The following TANK variants were observed in gnomAD, a reference collection of about 807,000 sequenced individuals.
TANK encodes the protein TRAF family member associated NFKB activator.
Under a neutral mutation model 43.6 loss-of-function variants are expected in TANK, and 15 were observed. That is an observed-to-expected ratio of 0.34 (90% CI 0.23 to 0.53). The LOEUF (loss-of-function observed/expected upper bound fraction) is 0.53. TANK is among the 20% of genes least tolerant of loss of function. The pLI, the probability that TANK is intolerant of heterozygous loss-of-function variation, is 0.94. For synonymous variants in TANK, 162 were observed against 178.2 expected, an observed-to-expected ratio of 0.91 and a Z score of 0.73; for missense variants, 417 against 498.6, an observed-to-expected ratio of 0.84 and a Z score of 1.56.
rs1302678612 is a variant in TANK at position 161,231,486 on chromosome 2, G to A, written c.1036G>A (p.Asp346Asn). Reference sequence around the variant, plus strand: ...ATATGTAAATAGCTTCCCACTTCTGGACCCATCTGATGCACCTTTTCCCTC... The same window carrying A: ...ATATGTAAATAGCTTCCCACTTCTGAACCCATCTGATGCACCTTTTCCCTC... ...ALYVNSFPLL[D>N]PSDAPFPSLD... The change falls in exon 7 of 8, where the codon GAC (aspartate) becomes AAC (asparagine). Residue 346 changes from aspartate (D) to asparagine (N), a missense_variant. By Grantham distance (23) the Asp-to-Asn change is conservative. Transcript: ENST00000392749. The A allele has an allele frequency of 3.1e-6, 5 of 1,613,660 alleles. No individual in the cohort carries two copies. The highest frequency in any genetic ancestry group is 3.4e-6 in the Non-Finnish European group (4 of 1,180,004).
At chr2:161,207,869 G>T (rs1221732932) in intron 4 of TANK, 1 of 985,110 alleles carries the variant, frequency 1.0e-6, no homozygotes. Context: ...TAGAGAAATG[G>T]TTAAGGTGAT....
chr2:161,202,760 T>C, intron 2 of TANK: 1 of 399,074 alleles, frequency 2.5e-6, no homozygotes, highest in South Asian at 1.9e-5. Flanking sequence ...ACTGTACTAA[T>C]TTGGTAATTG....
intron 6 of TANK, among the ~76,000 whole-genome samples, chr2:161,225,072 G>C (rs1687542969): frequency 6.6e-6 from 1 of 151,950 alleles, no homozygotes; most frequent in Admixed American, 6.6e-5. Context: ...GTTGTTTTTT[G>C]GGGGACCTTA....
At chr2:161,167,563 G>T (rs1684739606) in intron 1 of TANK, among the ~76,000 whole-genome samples, 1 of 152,126 alleles carries the variant, frequency 6.6e-6, no homozygotes, top group East Asian at 1.9e-4. Context: ...ACACTTCCAG[G>T]TTGCCTTGGG....
chr2:161,200,013 A>G (rs938135935), intron 2 of TANK, among the ~76,000 whole-genome samples: 1 of 152,256 alleles, frequency 6.6e-6, no homozygotes, highest in Non-Finnish European at 1.5e-5. Context: ...TGTCAAATAC[A>G]CAGAAGCCAG....
chr2:161,185,719 G>T (rs1685628805), intron 2 of TANK, among the ~76,000 whole-genome samples: 2 of 115,138 alleles, frequency 1.7e-5, no homozygotes, highest in African/African-American at 6.6e-5. Flanking sequence ...TGGTGGGGTG[G>T]GGGGAGGGGG....
intron 1 of TANK, among the ~76,000 whole-genome samples, chr2:161,151,370 A>C (rs1472573288): frequency 6.6e-6 from 1 of 152,148 alleles, no homozygotes; most frequent in Non-Finnish European, 1.5e-5. Context: ...GACATAATGT[A>C]GTCTCCAGTG....
chr2:161,216,443 G>GT (rs1559001726), intron 4 of TANK: 1 of 468,258 alleles, frequency 2.1e-6, no homozygotes, highest in Non-Finnish European at 4.4e-6. Flanking sequence ...ATCCTGAGCC[G>GT]TAAGCATAAA....
At chr2:161,213,055 T>A (rs1686961967) in intron 4 of TANK, among the ~76,000 whole-genome samples, 1 of 152,130 alleles carries the variant, frequency 6.6e-6, no homozygotes, top group Non-Finnish European at 1.5e-5. Flanking sequence ...GGTGGCAGAC[T>A]CTTTTTAACA....
At chr2:161,223,662 C>T (rs980740828) in intron 4 of TANK, 6 of 274,630 alleles carry the variant, frequency 2.2e-5, no homozygotes, top group Admixed American at 1.0e-4. Flanking sequence ...TTACCAGTAC[C>T]GGAAATAGTA....
intron 1 of TANK, chr2:161,137,337 A>C (rs1683615446): frequency 1.8e-6 from 1 of 556,040 alleles, no homozygotes; most frequent in East Asian, 1.4e-4. Context: ...CAGCCTGGGC[A>C]ACATAGTGAG....
At chr2:161,159,224 C>T (rs1021366074), upstream of TANK, 2 of 152,104 alleles carry the variant, frequency 1.3e-5, no homozygotes, top group East Asian at 3.8e-4. Context: ...AACTTATGTC[C>T]GCACAAAAAA....
intron 1 of TANK, among the ~76,000 whole-genome samples, chr2:161,170,479 G>C (rs1394485811): frequency 2.0e-5 from 3 of 152,140 alleles, no homozygotes; most frequent in Non-Finnish European, 4.4e-5. Flanking sequence ...TTAAAAAGCA[G>C]ATCACTATGG....
chr2:161,205,039 A>C, intron 4 of TANK: 1 of 1,124,600 alleles, frequency 8.9e-7, no homozygotes, highest in Non-Finnish European at 1.1e-6. Flanking sequence ...TAACAAAGAA[A>C]TAGGGCTGGA....
At chr2:161,182,550 G>C (rs1029737460) in intron 2 of TANK, among the ~76,000 whole-genome samples, 1 of 152,126 alleles carries the variant, frequency 6.6e-6, no homozygotes, top group Non-Finnish European at 1.5e-5. Context: ...AGGTCTGAAA[G>C]GGTCCCAAAT....
At chr2:161,233,039 A>AAAT in intron 7 of TANK, 1 of 590,490 alleles carries the variant, frequency 1.7e-6, no homozygotes, top group Non-Finnish European at 2.8e-6. Context: ...AGTATTAATA[A>AAAT]AGCTAGTATT....
At chr2:161,183,719 ATGTT>A (rs1180461791) in intron 2 of TANK, among the ~76,000 whole-genome samples, 3 of 152,150 alleles carry the variant, frequency 2.0e-5, no homozygotes, top group Non-Finnish European at 4.4e-5. Context: ...ATATTCTTGT[ATGTT>A]AAAATCAAAA....
At chr2:161,226,019 A>G (rs1476705498) in intron 6 of TANK, among the ~76,000 whole-genome samples, 1 of 152,158 alleles carries the variant, frequency 6.6e-6, no homozygotes, top group East Asian at 1.9e-4. Flanking sequence ...AAAGATAACT[A>G]GGTACCTCTG....
intron 2 of TANK, among the ~76,000 whole-genome samples, chr2:161,187,159 C>T (rs1048452126): frequency 1.3e-5 from 2 of 152,122 alleles, no homozygotes; most frequent in African/African-American, 4.8e-5. Flanking sequence ...GGTATGGTGG[C>T]TCACACCTGT....
Sources: allele counts gnomAD v4.1 joint callset (sites outside exome capture counted in the v4.1 genomes callset), GRCh38; gene constraint gnomAD v4.1.1; transcripts MANE v1.5; gene names NCBI Gene and HGNC (gene_info 2026-07-23, HGNC 2026-07-21).